ERCC6L2: variants seen among roughly 807,000 people sequenced by gnomAD.
ERCC6L2 encodes DNA excision repair protein ERCC-6-like 2.
A neutral mutation model predicts 132.0 loss-of-function variants in ERCC6L2; 77 were observed. The observed-to-expected ratio is 0.58, with a 90% CI of 0.49 to 0.71. The LOEUF is 0.71. Ranked by LOEUF, ERCC6L2 falls within the 30% of genes least tolerant of loss-of-function variation. The pLI, the probability that ERCC6L2 is intolerant of heterozygous loss-of-function variation, is 0.00. For missense variants in ERCC6L2, 1,542 were observed against 1,837.6 expected, an observed-to-expected ratio of 0.84 and a Z score of 2.94; for synonymous variants, 583 against 632.4, an observed-to-expected ratio of 0.92 and a Z score of 1.17.
intron 9 of ERCC6L2, among the ~76,000 whole-genome samples, chr9:95,925,431 G>A (rs2132768127): frequency 6.6e-6 from 1 of 152,264 alleles, no homozygotes; most frequent in South Asian, 2.1e-4. Context: ...AAGATCCAAG[G>A]TTCCTTGCTG....
intron 3 of ERCC6L2, among the ~76,000 whole-genome samples, chr9:95,903,302 A>T (rs1315316259): frequency 6.6e-6 from 1 of 151,978 alleles, no homozygotes; most frequent in South Asian, 2.1e-4. Flanking sequence ...TTCTGTCCTA[A>T]TTATTTGTTC....
At chr9:95,993,922 T>G (rs1833385961) in intron 17 of ERCC6L2, among the ~76,000 whole-genome samples, 1 of 152,178 alleles carries the variant, frequency 6.6e-6, no homozygotes, top group Non-Finnish European at 1.5e-5. Flanking sequence ...GCAGAAAATT[T>G]GACTCTATGT....
At chr9:95,937,275 C>G (rs865892419) in intron 11 of ERCC6L2, among the ~76,000 whole-genome samples, 2 of 152,274 alleles carry the variant, frequency 1.3e-5, no homozygotes, top group Non-Finnish European at 1.5e-5. Context: ...TGCATTTTCA[C>G]TAACATTTGC....
intron 12 of ERCC6L2, among the ~76,000 whole-genome samples, chr9:95,943,364 T>C (rs941732871): frequency 6.6e-6 from 1 of 152,146 alleles, no homozygotes; most frequent in Non-Finnish European, 1.5e-5. Context: ...ACAAATGTTT[T>C]TAAATGCTAG....
At chr9:95,944,894 A>G (rs1262487000) in intron 12 of ERCC6L2, among the ~76,000 whole-genome samples, 1 of 152,168 alleles carries the variant, frequency 6.6e-6, no homozygotes, top group East Asian at 1.9e-4. Flanking sequence ...CATCCTTCAC[A>G]AGGTAATAAG....
chr9:96,005,849 G>T (rs111444263), intron 18 of ERCC6L2, among the ~76,000 whole-genome samples: 1 of 152,148 alleles, frequency 6.6e-6, no homozygotes, highest in Admixed American at 6.5e-5. Context: ...GAAGGAACTC[G>T]GTGATGGGGG....
At chr9:96,036,718 T>G (rs1310670006) in intron 19 of ERCC6L2, among the ~76,000 whole-genome samples, 1 of 151,524 alleles carries the variant, frequency 6.6e-6, no homozygotes, top group Admixed American at 6.6e-5. Context: ...CTAATGGGTA[T>G]GAGGTGAAGC....
chr9:95,893,022 TTTTAA>T, intron 2 of ERCC6L2, among the ~76,000 whole-genome samples: 1 of 152,326 alleles, frequency 6.6e-6, no homozygotes, highest in South Asian at 2.1e-4. Context: ...TAGAATTTTA[TTTTAA>T]TTTTTCTATT....
At chr9:96,021,960 G>A (rs1323450673), downstream of ERCC6L2, among the ~76,000 whole-genome samples, 1 of 151,994 alleles carries the variant, frequency 6.6e-6, no homozygotes, top group African/African-American at 2.4e-5. The surrounding 1 kb of genome is among the most constrained non-coding windows in gnomAD (Gnocchi z 4.7). Flanking sequence ...GCTCCTCCAG[G>A]CCGAACCCCT....
rs370912243 is a variant in ERCC6L2 at position 95,915,741 on chromosome 9, A to G, written c.862A>G (p.Met288Val). 3.4e-5 allele frequency: 55 copies of G among 1,613,972 alleles called. No individual in the cohort carries two copies. The highest frequency in any genetic ancestry group is 3.4e-4 in the South Asian group (31 of 91,074). Residue 288 changes from methionine (M) to valine (V), a missense_variant, in exon 5 of 19, where the codon ATG becomes GTG. Transcript: ENST00000653738. The stretch of plus-strand genomic sequence containing the variant: ...TCCAAAAGCTAGAGTAACAGAAGTT[A>G]TGAAAGCTTTGAAATGTAATGTCCG... ...KNPKARVTEVMKALKCNVRIG... is the reference protein window; with the variant it reads ...KNPKARVTEVVKALKCNVRIG...
At chr9:95,983,775 A>G (rs952302995) in intron 17 of ERCC6L2, among the ~76,000 whole-genome samples, 3 of 152,232 alleles carry the variant, frequency 2.0e-5, no homozygotes, top group Admixed American at 1.3e-4. Flanking sequence ...CTTGAAGACT[A>G]TTTAACCCAA....
Position 95,984,481 on chromosome 9 carries a change from A to G in ERCC6L2, c.3492+6266A>G, listed in dbSNP as rs559752142. On this transcript the variant is annotated intron_variant, in intron 17 of 18. Transcript: ENST00000653738. The stretch of plus-strand genomic sequence containing the variant: ...ACTCTCCCATTCAAGATCTACCTCA[A>G]ATGCGTCCTCTCTTCCACAAAGTCT... 7.9e-5 allele frequency among the ~76,000 whole-genome samples: 12 copies of G among 152,004 alleles called. No homozygotes were observed. The East Asian group carries it at 2.1e-3, about 27-fold the overall frequency.
At chr9:95,947,519 G>C (rs1831119679) in intron 12 of ERCC6L2, among the ~76,000 whole-genome samples, 1 of 152,202 alleles carries the variant, frequency 6.6e-6, no homozygotes, top group Non-Finnish European at 1.5e-5. Flanking sequence ...AAGTTATCCA[G>C]AAGATCTAGC....
chr9:96,029,310 A>AC (rs1467359825), intron 19 of ERCC6L2, among the ~76,000 whole-genome samples: 7 of 149,560 alleles, frequency 4.7e-5, no homozygotes, highest in East Asian at 2.0e-4. Context: ...TCTCAAAAAA[A>AC]AAAAAAAAAA....
chr9:95,883,941 T>C (rs1737405423), intron 2 of ERCC6L2, among the ~76,000 whole-genome samples: 2 of 152,190 alleles, frequency 1.3e-5, no homozygotes, highest in South Asian at 4.1e-4. Context: ...TTAAATACAA[T>C]TCGAATTCAA....
chr9:95,919,054 A>G (rs1425408720), intron 6 of ERCC6L2, among the ~76,000 whole-genome samples: 3 of 152,030 alleles, frequency 2.0e-5, no homozygotes, highest in African/African-American at 7.2e-5. Flanking sequence ...TTTGTAGTAG[A>G]GACAGGGTTT....
At chr9:95,962,253 G>A (rs545406001) in intron 13 of ERCC6L2, among the ~76,000 whole-genome samples, 1 of 152,024 alleles carries the variant, frequency 6.6e-6, no homozygotes. Flanking sequence ...AGGTGTTTTG[G>A]GGGGGTTGGG....
chr9:95,987,114 C>T (rs1202769627), intron 17 of ERCC6L2, among the ~76,000 whole-genome samples: 1 of 152,144 alleles, frequency 6.6e-6, no homozygotes, highest in Non-Finnish European at 1.5e-5. Context: ...CTTCCCACAA[C>T]ACAGGAGAAT....
intron 4 of ERCC6L2, among the ~76,000 whole-genome samples, 175 bp downstream of exon 4, chr9:95,907,446 C>A (rs1007688120): frequency 2.0e-5 from 3 of 149,676 alleles, no homozygotes; most frequent in Non-Finnish European, 4.4e-5. Context: ...CTCAGGCAAT[C>A]CACCCACCTC....
Sources: allele counts gnomAD v4.1 joint callset (sites outside exome capture counted in the v4.1 genomes callset), GRCh38; gene constraint gnomAD v4.1.1; non-coding constraint Gnocchi (gnomAD v3.1); transcripts MANE v1.5; gene names NCBI Gene and HGNC (gene_info 2026-07-23, HGNC 2026-07-21).